ROBO2: variants seen among roughly 807,000 people sequenced by gnomAD.
The protein encoded by ROBO2 is roundabout homolog 2.
ROBO2 carries 53 observed loss-of-function variants against 160.8 expected under a neutral mutation model. The ratio of observed to expected loss-of-function variants is 0.33; its 90% CI spans 0.26 to 0.41. ROBO2 has a LOEUF of 0.41. Among genes scored for constraint, ROBO2 ranks in the 10% least tolerant of loss-of-function variants. ROBO2 has a pLI of 1.00. For synonymous variants in ROBO2, 664 were observed against 611.7 expected, an observed-to-expected ratio of 1.09 and a Z score of -1.26; for missense variants, 1,577 against 1,722.4, an observed-to-expected ratio of 0.92 and a Z score of 1.49.
intron 2 of ROBO2, among the ~76,000 whole-genome samples, chr3:76,468,148 G>T (rs1200184708): frequency 6.6e-6 from 1 of 151,954 alleles, no homozygotes; most frequent in African/African-American, 2.4e-5. Flanking sequence ...AACTATTATT[G>T]CCCCTGTTTT....
intron 2 of ROBO2, among the ~76,000 whole-genome samples, chr3:77,204,897 G>A (rs560137752): frequency 6.6e-6 from 1 of 152,352 alleles, no homozygotes; most frequent in African/African-American, 2.4e-5. Flanking sequence ...ACAGTCCACT[G>A]ATTCCCCTTG....
intron 2 of ROBO2, among the ~76,000 whole-genome samples, chr3:76,400,164 A>C (rs529827850): frequency 1.3e-5 from 2 of 151,810 alleles, no homozygotes; most frequent in Non-Finnish European, 3.0e-5. Flanking sequence ...CACTTGGAAA[A>C]CATTCTGGAA....
chr3:76,261,669 C>A (rs563081908), intron 2 of ROBO2, among the ~76,000 whole-genome samples: 11 of 151,964 alleles, frequency 7.2e-5, no homozygotes, highest in South Asian at 2.1e-4. Flanking sequence ...TTTAATTGTA[C>A]TATTTGGTGC....
intron 2 of ROBO2, among the ~76,000 whole-genome samples, chr3:77,366,138 T>C (rs1296085790): frequency 6.6e-6 from 1 of 152,164 alleles, no homozygotes; most frequent in Non-Finnish European, 1.5e-5. Flanking sequence ...TTACATTAAA[T>C]TCACTCATCC....
chr3:76,043,773 G>T (rs1335386932), intron 2 of ROBO2, among the ~76,000 whole-genome samples: 3 of 151,676 alleles, frequency 2.0e-5, no homozygotes, highest in Non-Finnish European at 2.9e-5. Context: ...TTATATTTTA[G>T]TATCATGCTA....
intron 2 of ROBO2, among the ~76,000 whole-genome samples, chr3:76,889,386 T>A (rs1239717523): frequency 6.6e-6 from 1 of 152,222 alleles, no homozygotes; most frequent in Non-Finnish European, 1.5e-5. Flanking sequence ...GAAGAAAATT[T>A]ACCTGGGATA....
intron 2 of ROBO2, among the ~76,000 whole-genome samples, chr3:76,436,522 G>A (rs778854594): frequency 3.9e-5 from 6 of 152,018 alleles, no homozygotes; most frequent in Non-Finnish European, 8.8e-5. Flanking sequence ...TCAGTTTTTC[G>A]CCTCTAGGAC....
chr3:76,685,658 G>C (rs1045560511), intron 2 of ROBO2, among the ~76,000 whole-genome samples: 1 of 152,020 alleles, frequency 6.6e-6, no homozygotes, highest in Non-Finnish European at 1.5e-5. Flanking sequence ...AACAAAATTT[G>C]AGTAAATAAA....
chr3:77,136,295 T>G (rs1020216187), intron 2 of ROBO2, among the ~76,000 whole-genome samples: 1 of 152,100 alleles, frequency 6.6e-6, no homozygotes, highest in African/African-American at 2.4e-5. Flanking sequence ...TTAAGGTTTT[T>G]ATTTGGCCTA....
intron 2 of ROBO2, among the ~76,000 whole-genome samples, chr3:77,280,311 C>CTA (rs1384661546): frequency 1.3e-5 from 2 of 152,180 alleles, no homozygotes; most frequent in Non-Finnish European, 2.9e-5. Flanking sequence ...TATAGTTCAA[C>CTA]TATTATGTTC....
chr3:77,021,385 C>A (rs1217177455), intron 2 of ROBO2, among the ~76,000 whole-genome samples: 1 of 152,108 alleles, frequency 6.6e-6, no homozygotes, highest in African/African-American at 2.4e-5. Flanking sequence ...AATTCCTGTT[C>A]CAAAGTCATA....
intron 2 of ROBO2, among the ~76,000 whole-genome samples, chr3:76,910,230 T>G (rs1415010055): frequency 1.3e-5 from 2 of 152,142 alleles, no homozygotes; most frequent in East Asian, 3.9e-4. Flanking sequence ...TCTTTGAAAT[T>G]TATTAAGTCA....
chr3:77,382,569 A>T (rs1343378388), intron 2 of ROBO2, among the ~76,000 whole-genome samples: 4 of 150,820 alleles, frequency 2.7e-5, no homozygotes, highest in Non-Finnish European at 5.9e-5. Flanking sequence ...CCCCTTCCCA[A>T]CCTCTTTCTT....
intron 5 of ROBO2, among the ~76,000 whole-genome samples, chr3:77,506,061 A>G (rs924750051): frequency 1.3e-5 from 2 of 152,172 alleles, no homozygotes; most frequent in Non-Finnish European, 2.9e-5. Context: ...AACATGCTCA[A>G]GGTCACAGGA....
chr3:77,622,583 G>T, intron 23 of ROBO2, 151 bp downstream of exon 24: 1 of 735,290 alleles, frequency 1.4e-6, no homozygotes, highest in East Asian at 2.7e-5. Flanking sequence ...AATTCAAAAA[G>T]GATTTGGAAA....
rs1581210350 is a variant in ROBO2, at chr3:77,344,700, G to A, written c.389-132714G>A. On this transcript the variant is annotated intron_variant, in intron 2 of 25. Transcript: ENST00000461745. ...GCAGCCCAAATGGACTGAAACAGAA[G>A]ATAAAAAATAGTAAGATCAGCAGTG... Among the ~76,000 whole-genome samples the A allele has an allele frequency of 2.6e-5, 4 of 152,050 alleles. No individual in the cohort carries two copies. The South Asian group carries it at 8.3e-4, about 32-fold the overall frequency.
intron 2 of ROBO2, among the ~76,000 whole-genome samples, chr3:75,958,097 G>C (rs2107249100): frequency 6.6e-6 from 1 of 151,832 alleles, no homozygotes; most frequent in African/African-American, 2.4e-5. Flanking sequence ...ATTAGAAAAA[G>C]TGACACTATC....
chr3:76,047,830 T>C lies in ROBO2; in HGVS notation c.109+110228T>C, dbSNP rs192174900. Reference sequence around the variant, plus strand: ...ATAATCTAATCTGCAGATTACTACATTTTTATTACAATAAAGAACTCCTGG... The same window carrying C: ...ATAATCTAATCTGCAGATTACTACACTTTTATTACAATAAAGAACTCCTGG... On this transcript the variant is annotated intron_variant, in intron 2 of 26. Transcript: ENST00000487694. Among the ~76,000 whole-genome samples the C allele has an allele frequency of 1.2e-4, 18 of 152,290 alleles. No individual in the cohort carries two copies. In the East Asian group the frequency reaches 3.3e-3, roughly 28 times the overall value.
intron 2 of ROBO2, among the ~76,000 whole-genome samples, chr3:77,460,655 T>C (rs1245501089): frequency 1.3e-5 from 2 of 152,190 alleles, no homozygotes; most frequent in African/African-American, 4.8e-5. Flanking sequence ...TGCATTTTAA[T>C]GCAATGCTTT....
Sources: gnomAD v4.1 joint callset for allele counts (sites outside exome capture counted in the v4.1 genomes callset) on GRCh38, gnomAD v4.1.1 for gene constraint, MANE v1.5 for transcripts, NCBI Gene and HGNC (gene_info 2026-07-23, HGNC 2026-07-21) for gene names.